LARGE1: variants seen among roughly 807,000 people sequenced by gnomAD.
LARGE1 encodes LARGE xylosyl- and glucuronyltransferase 1.
In LARGE1, 43 loss-of-function variants were observed where a neutral mutation model predicts 87.6. The observed-to-expected ratio is 0.49, with a 90% CI of 0.38 to 0.63. The LOEUF (loss-of-function observed/expected upper bound fraction) is 0.63. Among genes scored for constraint, LARGE1 ranks in the 30% least tolerant of loss-of-function variants. LARGE1 has a pLI of 0.00. For synonymous variants in LARGE1, 434 were observed against 394.6 expected (o/e 1.10, Z -1.18); for missense variants, 802 against 1,000.2 (o/e 0.80, Z 2.67).
chr22:33,416,906 C>CTT lies in LARGE1; in HGVS notation c.892+15253_892+15254dup, dbSNP rs35018256. 2.1e-3 allele frequency among the ~76,000 whole-genome samples: 185 copies of CTT among 90,112 alleles called. 8 individuals carry two copies. Among genetic ancestry groups the CTT allele is most frequent in the Non-Finnish European group, 2.4e-3 (121 of 50,640 alleles). 59.1% of individuals were successfully genotyped at this position (90,112 alleles called of 152,430 possible). A position where few individuals can be genotyped will look rare whatever the true frequency, so the allele number is the denominator to read the frequency against. ...ACAGGTGTGAGGCACCACGCCCGGACTTTTTTTTTTTTTTTTTTTGAGACA... is the reference window on the plus strand; with the variant it reads ...ACAGGTGTGAGGCACCACGCCCGGACTTTTTTTTTTTTTTTTTTTTTGAGACA... On this transcript the variant is annotated intron_variant, in intron 7 of 14. Coordinates refer to ENST00000397394, the MANE Select transcript of LARGE1 (RefSeq NM_133642.5).
At chr22:33,359,539 G>A (rs919281235) in intron 9 of LARGE1, among the ~76,000 whole-genome samples, 3 of 149,528 alleles carry the variant, frequency 2.0e-5, no homozygotes, top group Non-Finnish European at 3.0e-5. Context: ...CCCTTAGAAC[G>A]ACCCTGTATG....
intron 6 of LARGE1, among the ~76,000 whole-genome samples, chr22:33,438,554 G>A (rs895414183): frequency 1.1e-4 from 16 of 152,158 alleles, no homozygotes; most frequent in African/African-American, 3.9e-4. Context: ...GGTGTCACCA[G>A]CCAGCAGATG....
intron 10 of LARGE1, among the ~76,000 whole-genome samples, chr22:33,320,540 C>T (rs1936609336): frequency 6.6e-6 from 1 of 152,172 alleles, no homozygotes; most frequent in South Asian, 2.1e-4. Flanking sequence ...TGACATTTTA[C>T]CATTGTCCTG....
intron 6 of LARGE1, among the ~76,000 whole-genome samples, chr22:33,445,920 G>T (rs1043977344): frequency 6.6e-6 from 1 of 151,640 alleles, no homozygotes; most frequent in East Asian, 2.0e-4. Context: ...AAAGTGCTGG[G>T]ATTACAGGCG....
chr22:33,080,315 G>A, the LARGE1 span, among the ~76,000 whole-genome samples: 1 of 152,184 alleles, frequency 6.6e-6, no homozygotes, highest in African/African-American at 2.4e-5. Flanking sequence ...GCTAGGTTAT[G>A]CTGTGATAAC....
At chr22:33,370,229 G>T (rs1018666932) in intron 9 of LARGE1, among the ~76,000 whole-genome samples, 1 of 151,930 alleles carries the variant, frequency 6.6e-6, no homozygotes, top group South Asian at 2.1e-4. Flanking sequence ...CACAGGGGCC[G>T]TTAAAAAAAA....
At position 33,326,286 on chromosome 22, in the gene LARGE1, C is replaced by A. The variant is rs573977044; in HGVS notation, c.1288-10038G>T. The stretch of plus-strand genomic sequence containing the variant: ...TCAGTATTAATTCACGCATCACATA[C>A]AATTCATAGGCTCTTATTTTATGCC... On this transcript the variant is annotated intron_variant, in intron 10 of 14. Transcript: ENST00000397394. 5.9e-5 allele frequency among the ~76,000 whole-genome samples: 9 copies of A among 152,292 alleles called. No homozygotes were observed. In the East Asian group the frequency reaches 1.7e-3, roughly 29 times the overall value.
chr22:33,543,999 T>C (rs993807480), intron 6 of LARGE1, among the ~76,000 whole-genome samples: 3 of 152,214 alleles, frequency 2.0e-5, no homozygotes, highest in Non-Finnish European at 4.4e-5. Flanking sequence ...TTTTGGTATG[T>C]CCTAGAGAAT....
chr22:33,882,914 C>CGTCT (rs2064739392), intron 1 of LARGE1, among the ~76,000 whole-genome samples: 1 of 152,102 alleles, frequency 6.6e-6, no homozygotes, highest in Admixed American at 6.5e-5. Flanking sequence ...TCCTCACGTG[C>CGTCT]GTCTACAAAT....
At chr22:33,110,953 C>CA in the LARGE1 span, among the ~76,000 whole-genome samples, 1 of 151,996 alleles carries the variant, frequency 6.6e-6, no homozygotes, top group African/African-American at 2.4e-5. Context: ...CAGAGGTAAA[C>CA]AAAAAAGCTC....
At chr22:33,112,307 T>C in the LARGE1 span, among the ~76,000 whole-genome samples, 1 of 152,208 alleles carries the variant, frequency 6.6e-6, no homozygotes, top group South Asian at 2.1e-4. Flanking sequence ...TTAAGTTACT[T>C]AACCTTCACT....
chr22:33,794,354 G>C (rs1166847060), intron 1 of LARGE1, among the ~76,000 whole-genome samples: 1 of 152,198 alleles, frequency 6.6e-6, no homozygotes, highest in Admixed American at 6.5e-5. Flanking sequence ...TGGGCCCCAA[G>C]GGCTCAGGCT....
chr22:33,759,747 A>C (rs1271138843), intron 2 of LARGE1, among the ~76,000 whole-genome samples: 1 of 152,160 alleles, frequency 6.6e-6, no homozygotes, highest in African/African-American at 2.4e-5. Flanking sequence ...TCTTTTATAA[A>C]AAGGGCTTTT....
chr22:33,424,429 G>A (rs905011803), intron 7 of LARGE1, among the ~76,000 whole-genome samples: 1 of 152,126 alleles, frequency 6.6e-6, no homozygotes, highest in African/African-American at 2.4e-5. Context: ...AAGGATGCTC[G>A]CTTCAGTTAT....
At position 33,705,111 on chromosome 22, in the gene LARGE1, C is replaced by T. The variant is rs143582884; in HGVS notation, c.107-54443G>A. 1.3e-3 allele frequency among the ~76,000 whole-genome samples: 192 copies of T among 152,306 alleles called. 1 individual carries two copies. The highest frequency in any genetic ancestry group is 4.3e-3 in the African/African-American group (179 of 41,568). On this transcript the variant is annotated intron_variant, in intron 2 of 14. Transcript: ENST00000397394. The stretch of plus-strand genomic sequence containing the variant: ...GTGCACCCCATAAATTAGAAAGCTA[C>T]ACGTCTCATGCGTCTGACAGGTCCC...
At position 33,300,609 on chromosome 22, in the gene LARGE1, C is replaced by T. The variant is rs150264587; in HGVS notation, c.1730+3620G>A. Among the ~76,000 whole-genome samples the T allele has an allele frequency of 2.8e-4, 42 of 152,248 alleles. 1 individual carries two copies. The East Asian group carries it at 7.1e-3, about 26-fold the overall frequency. ...AGGCTGGAGTGCAGTGGTGCGATGTCAGCTCACTGCAACCTCTGCCTTCCG... is the reference window on the plus strand; with the variant it reads ...AGGCTGGAGTGCAGTGGTGCGATGTTAGCTCACTGCAACCTCTGCCTTCCG... On this transcript the variant is annotated intron_variant, in intron 12 of 14. Transcript: ENST00000397394.
At chr22:33,182,721 A>G (rs1602057335) in intron 11 of LARGE1, among the ~76,000 whole-genome samples, 1 of 152,344 alleles carries the variant, frequency 6.6e-6, no homozygotes, top group East Asian at 1.9e-4. Flanking sequence ...AGGGAACAAC[A>G]GTTTCTTCAA....
At chr22:33,320,428 C>T (rs954460225) in intron 10 of LARGE1, among the ~76,000 whole-genome samples, 7 of 152,136 alleles carry the variant, frequency 4.6e-5, no homozygotes, top group Non-Finnish European at 7.3e-5. Flanking sequence ...AGAAGCAATC[C>T]GTTTCTTCTC....
intron 1 of LARGE1, among the ~76,000 whole-genome samples, chr22:33,868,034 G>A (rs922217535): frequency 1.3e-5 from 2 of 152,232 alleles, no homozygotes; most frequent in African/African-American, 2.4e-5. Flanking sequence ...CACACTACCC[G>A]CTCCATTTTC....
Sources: gnomAD v4.1 joint callset for allele counts (sites outside exome capture counted in the v4.1 genomes callset) on GRCh38, gnomAD v4.1.1 for gene constraint, MANE v1.5 for transcripts, NCBI Gene and HGNC (gene_info 2026-07-23, HGNC 2026-07-21) for gene names.